Variants in ANKRD11 observed in about 807,000 individuals in gnomAD.
The protein encoded by ANKRD11 is ankyrin repeat domain 11.
Under a neutral mutation model 195.7 loss-of-function variants are expected in ANKRD11, and 17 were observed. That is an observed-to-expected ratio of 0.09 (90% CI 0.06 to 0.13). The LOEUF is 0.13. Ranked by LOEUF, ANKRD11 falls within the 10% of genes least tolerant of loss-of-function variation. The pLI, the probability that ANKRD11 is intolerant of heterozygous loss-of-function variation, is 1.00. For synonymous variants in ANKRD11, 1,953 were observed against 1,528.1 expected, an observed-to-expected ratio of 1.28 and a Z score of -6.49; for missense variants, 3,735 against 3,566.1, an observed-to-expected ratio of 1.05 and a Z score of -1.21.
chr16:89,347,180 A>T (rs2038980505), intron 2 of ANKRD11, among the ~76,000 whole-genome samples: 1 of 152,168 alleles, frequency 6.6e-6, no homozygotes, highest in South Asian at 2.1e-4. Flanking sequence ...ATGTGAATGA[A>T]AACACTGCCA....
At chr16:89,438,960 C>A (rs2043331399) in intron 1 of ANKRD11, among the ~76,000 whole-genome samples, 1 of 151,924 alleles carries the variant, frequency 6.6e-6, no homozygotes, top group Non-Finnish European at 1.5e-5. Flanking sequence ...CCACTGCACT[C>A]CAGCCTGAAC....
At chr16:89,403,451 A>T (rs1470232271) in intron 2 of ANKRD11, among the ~76,000 whole-genome samples, 2 of 152,090 alleles carry the variant, frequency 1.3e-5, no homozygotes, top group South Asian at 2.1e-4. Context: ...GAAGTTTCTC[A>T]GTAAGCGAGG....
intron 2 of ANKRD11, among the ~76,000 whole-genome samples, chr16:89,399,776 T>C (rs1400823084): frequency 6.7e-6 from 1 of 149,380 alleles, no homozygotes; most frequent in Non-Finnish European, 1.5e-5. Context: ...TATTTTGCTG[T>C]GAACCTAAAG....
At chr16:89,480,464 G>A (rs141478774) in intron 1 of ANKRD11, among the ~76,000 whole-genome samples, 1,591 of 151,272 alleles carry the variant, frequency 0.011, 33 homozygotes, top group African/African-American at 0.037. Flanking sequence ...GCGACAGAGT[G>A]AGACTCCATC....
rs1331628410 is a variant in ANKRD11 at position 89,291,225 on chromosome 16, C to T, written c.227-42G>A. Reference sequence around the variant, plus strand: ...GGAGAGAGGGAGGAGAGATTTCATGCCATGGTGTCCTCCAAAGCTAGGTCC... The same window carrying T: ...GGAGAGAGGGAGGAGAGATTTCATGTCATGGTGTCCTCCAAAGCTAGGTCC... On this transcript the variant is annotated intron_variant, in intron 4 of 12. Coordinates refer to ENST00000301030, the MANE Select transcript of ANKRD11 (RefSeq NM_013275.6). This position sits in a 1 kb window ranked among gnomAD's most constrained non-coding sequence, Gnocchi z 5.3. The T allele has an allele frequency of 6.2e-7, 1 of 1,607,638 alleles. No individual in the cohort carries two copies. The highest frequency in any genetic ancestry group is 1.3e-5 in the African/African-American group (1 of 74,910).
intron 1 of ANKRD11, among the ~76,000 whole-genome samples, chr16:89,469,933 G>GT (rs141122802): frequency 1 from 151,838 of 151,838 alleles, 75,919 homozygotes; most frequent in Non-Finnish European, 1. Flanking sequence ...TTTTGACGGA[G>GT]CTCACTCTGT....
At chr16:89,324,296 C>A in intron 2 of ANKRD11, 1 of 1,263,168 alleles carries the variant, frequency 7.9e-7, no homozygotes, top group Non-Finnish European at 1.0e-6. Flanking sequence ...GAACACGGAC[C>A]ACCCGACAGG....
intron 2 of ANKRD11, among the ~76,000 whole-genome samples, chr16:89,371,465 G>A (rs748270000): frequency 6.6e-6 from 1 of 152,208 alleles, no homozygotes; most frequent in Non-Finnish European, 1.5e-5. Flanking sequence ...GGCCGCTGAC[G>A]CCAGCAGCTT....
chr16:89,280,457 C>A lies in ANKRD11; in HGVS notation c.6085G>T (p.Val2029Phe), dbSNP rs199785661. 43 of 1,591,222 alleles carry A rather than the reference C, an allele frequency of 2.7e-5. No individual in the cohort carries two copies. Among genetic ancestry groups the A allele is most frequent in the Non-Finnish European group, 2.6e-5 (30 of 1,167,418 alleles). Residue 2029 changes from valine to phenylalanine, a missense_variant, in exon 9 of 13, where the codon GTC becomes TTC. Physicochemically the swap from Val to Phe is conservative, Grantham distance 50. Coordinates refer to ENST00000301030, the MANE Select transcript of ANKRD11 (RefSeq NM_013275.6). Reference protein sequence around the residue: ...PASPAPYALPVAEPGLEDVKD... With the variant: ...PASPAPYALPFAEPGLEDVKD... Reference sequence around the variant, plus strand: ...ACGTCCTCCAGCCCCGGCTCAGCGACGGGCAGAGCGTACGGGGCAGGAGAG... The same window carrying A: ...ACGTCCTCCAGCCCCGGCTCAGCGAAGGGCAGAGCGTACGGGGCAGGAGAG...
intron 9 of ANKRD11, chr16:89,278,808 T>TGC: frequency 1.5e-6 from 1 of 653,106 alleles, no homozygotes; most frequent in Non-Finnish European, 2.8e-6. Context: ...GGGACCGGGG[T>TGC]GCACCCAGGG....
chr16:89,311,345 G>C (rs779176742), intron 3 of ANKRD11, among the ~76,000 whole-genome samples: 1 of 152,160 alleles, frequency 6.6e-6, no homozygotes, highest in African/African-American at 2.4e-5. Context: ...TTGGTCTGTA[G>C]TTTTCTTATC....
At chr16:89,338,912 C>T (rs1291091039) in intron 2 of ANKRD11, among the ~76,000 whole-genome samples, 1 of 152,056 alleles carries the variant, frequency 6.6e-6, no homozygotes, top group African/African-American at 2.4e-5. Flanking sequence ...ACAAAAAAAT[C>T]ACCCAGATAT....
At chr16:89,290,245 CGGGGGGTAGGCTCAGGGCTCCAA>C (rs2034945735) in intron 6 of ANKRD11, among the ~76,000 whole-genome samples, 1 of 16,510 alleles carries the variant, frequency 6.1e-5, no homozygotes, top group Non-Finnish European at 1.8e-4. Context: ...AGGGCTCCAG[CGGGGGGTAGGCTCAGGGCTCCAA>C]TGGGGGTAGG....
chr16:89,384,538 C>CTGGGATGGGATGGGATGGGA (rs71134213), intron 2 of ANKRD11, among the ~76,000 whole-genome samples: 1 of 148,224 alleles, frequency 6.7e-6, no homozygotes, highest in African/African-American at 2.5e-5. Context: ...TGGGATGGGA[C>CTGGGATGGGATGGGATGGGA]TGGGATGGGA....
chr16:89,348,804 A>G (rs994903522), intron 2 of ANKRD11, among the ~76,000 whole-genome samples: 18 of 151,670 alleles, frequency 1.2e-4, no homozygotes, highest in Non-Finnish European at 2.2e-4. Context: ...TCTCATGTCC[A>G]TACTAAAAAT....
chr16:89,455,546 G>A (rs146485250), intron 1 of ANKRD11, among the ~76,000 whole-genome samples: 6 of 152,212 alleles, frequency 3.9e-5, no homozygotes, highest in African/African-American at 1.2e-4. Context: ...TGAGTAAGCT[G>A]CAAAAACTGT....
chr16:89,384,899 T>G (rs1015345098), intron 2 of ANKRD11, among the ~76,000 whole-genome samples: 8 of 131,940 alleles, frequency 6.1e-5, no homozygotes, highest in African/African-American at 2.3e-4. Context: ...TTTTTTTTTT[T>G]TTTTTTTTGA....
At chr16:89,379,762 G>A (rs1345695520) in intron 2 of ANKRD11, among the ~76,000 whole-genome samples, 1 of 152,208 alleles carries the variant, frequency 6.6e-6, no homozygotes, top group Non-Finnish European at 1.5e-5. Flanking sequence ...CAAAGAACTT[G>A]GACTGAGTAC....
chr16:89,435,800 A>ACT (rs1286946210), intron 1 of ANKRD11, among the ~76,000 whole-genome samples: 10 of 139,738 alleles, frequency 7.2e-5, no homozygotes, highest in African/African-American at 2.6e-4. Flanking sequence ...AGCTCTTCAC[A>ACT]CACACACACA....
Sources: allele counts gnomAD v4.1 joint callset (sites outside exome capture counted in the v4.1 genomes callset), GRCh38; gene constraint gnomAD v4.1.1; non-coding constraint Gnocchi (gnomAD v3.1); transcripts MANE v1.5; gene names NCBI Gene and HGNC (gene_info 2026-07-23, HGNC 2026-07-21).